THSD7B: variants seen among roughly 807,000 people sequenced by gnomAD.
The protein encoded by THSD7B is thrombospondin type-1 domain-containing protein 7B.
THSD7B carries 138 observed loss-of-function variants against 213.6 expected under a neutral mutation model. The ratio of observed to expected loss-of-function variants is 0.65; its 90% CI spans 0.56 to 0.74. The LOEUF (loss-of-function observed/expected upper bound fraction) is 0.74, where lower values mean the gene tolerates loss of function less well. THSD7B is among the 30% of genes least tolerant of loss of function. The probability of loss-of-function intolerance (pLI) is 0.00; values close to 1 mark genes in which losing one functional copy is unlikely to be tolerated. For synonymous variants in THSD7B, 742 were observed against 687.0 expected, an observed-to-expected ratio of 1.08 and a Z score of -1.25; for missense variants, 1,931 against 1,991.5, an observed-to-expected ratio of 0.97 and a Z score of 0.58.
At chr2:136,888,180 A>G (rs1171971755) in intron 2 of THSD7B, among the ~76,000 whole-genome samples, 3 of 152,162 alleles carry the variant, frequency 2.0e-5, no homozygotes, top group Non-Finnish European at 4.4e-5. Context: ...TTAGGTCTAA[A>G]ACTTTATATA....
intron 2 of THSD7B, among the ~76,000 whole-genome samples, chr2:137,016,986 C>A (rs192649311): frequency 6.6e-6 from 1 of 152,202 alleles, no homozygotes; most frequent in East Asian, 1.9e-4. Context: ...CTTTATGTTA[C>A]ATAGCACTCC....
intron 4 of THSD7B, among the ~76,000 whole-genome samples, chr2:137,103,973 C>A (rs189726786): frequency 1.3e-4 from 20 of 152,036 alleles, no homozygotes; most frequent in African/African-American, 4.6e-4. Flanking sequence ...ATTAGATCAA[C>A]GAGACAGAAA....
rs568266551 is a variant in THSD7B at position 137,201,996 on chromosome 2, C to G, written c.1724-29048C>G. ...TTTTCCTTGTTAATCTCTCAGGGTA[C>G]TTGATTCTCTATAGATTCTGGATCT... On this transcript the variant is annotated intron_variant, in intron 7 of 27. Transcript: ENST00000409968. Among the ~76,000 whole-genome samples the G allele has an allele frequency of 2.6e-5, 4 of 152,236 alleles. No individual in the cohort carries two copies. The East Asian group carries it at 7.7e-4, about 29-fold the overall frequency.
At chr2:136,904,265 G>T (rs924101373) in intron 2 of THSD7B, among the ~76,000 whole-genome samples, 1 of 152,130 alleles carries the variant, frequency 6.6e-6, no homozygotes, top group Non-Finnish European at 1.5e-5. Context: ...CCTGGGATAA[G>T]CCTGGGCAGT....
chr2:137,081,813 T>C (rs1470603628), intron 3 of THSD7B, among the ~76,000 whole-genome samples: 1 of 152,186 alleles, frequency 6.6e-6, no homozygotes, highest in African/African-American at 2.4e-5. Flanking sequence ...GAATAAGGTT[T>C]CTATTTCCAA....
At chr2:137,431,685 G>A (rs1196022932) in intron 14 of THSD7B, among the ~76,000 whole-genome samples, 2 of 152,106 alleles carry the variant, frequency 1.3e-5, no homozygotes, top group Non-Finnish European at 2.9e-5. Flanking sequence ...TGTAGATTAT[G>A]ACACCCCGGA....
At chr2:137,237,712 A>C (rs570727355) in intron 9 of THSD7B, among the ~76,000 whole-genome samples, 5 of 152,218 alleles carry the variant, frequency 3.3e-5, no homozygotes, top group Non-Finnish European at 5.9e-5. Flanking sequence ...CTAATAGCCA[A>C]AGACTGTATT....
At chr2:137,114,590 C>A (rs1231807399) in intron 4 of THSD7B, among the ~76,000 whole-genome samples, 1 of 152,142 alleles carries the variant, frequency 6.6e-6, no homozygotes, top group Non-Finnish European at 1.5e-5. Context: ...AATACATATA[C>A]TTTTATGTGA....
chr2:137,490,843 T>C (rs1027902360), intron 15 of THSD7B, among the ~76,000 whole-genome samples: 23 of 152,378 alleles, frequency 1.5e-4, no homozygotes, highest in African/African-American at 5.0e-4. Flanking sequence ...TATGCATTAA[T>C]GAATATATTT....
chr2:136,782,343 ACCT>A (rs1418094595), intron 1 of THSD7B, among the ~76,000 whole-genome samples: 1 of 147,822 alleles, frequency 6.8e-6, no homozygotes, highest in Non-Finnish European at 1.5e-5. Flanking sequence ...TGCTAATTCC[ACCT>A]CCTTCATTGG....
chr2:137,467,532 C>A (rs1460561145), intron 15 of THSD7B, among the ~76,000 whole-genome samples: 2 of 152,048 alleles, frequency 1.3e-5, no homozygotes, highest in Admixed American at 1.3e-4. Flanking sequence ...AAGGTTTTTT[C>A]GTAGGCTGAT....
intron 12 of THSD7B, among the ~76,000 whole-genome samples, chr2:137,346,478 T>TTCTCTC (rs139028202): frequency 6.8e-6 from 1 of 147,554 alleles, no homozygotes; most frequent in African/African-American, 2.5e-5. Flanking sequence ...TAATATTCCA[T>TTCTCTC]TCTCTCTCTC....
At chr2:137,497,579 A>C (rs759370389) in intron 15 of THSD7B, among the ~76,000 whole-genome samples, 7 of 151,864 alleles carry the variant, frequency 4.6e-5, no homozygotes, top group Non-Finnish European at 8.8e-5. Context: ...ATAATTATAC[A>C]TACATATCTG....
chr2:137,293,968 C>T (rs920313885), intron 12 of THSD7B, among the ~76,000 whole-genome samples: 6 of 152,020 alleles, frequency 3.9e-5, no homozygotes, highest in African/African-American at 1.4e-4. Context: ...TATTTTGTAG[C>T]TCACTTGGCC....
intron 10 of THSD7B, among the ~76,000 whole-genome samples, chr2:137,255,484 G>T (rs1682285641): frequency 6.6e-6 from 1 of 152,238 alleles, no homozygotes; most frequent in Non-Finnish European, 1.5e-5. Context: ...TATGGAAGTG[G>T]ATCTCCCTTC....
chr2:137,457,131 G>A (rs760186523), intron 15 of THSD7B, among the ~76,000 whole-genome samples: 7 of 152,090 alleles, frequency 4.6e-5, no homozygotes, highest in Non-Finnish European at 7.4e-5. Flanking sequence ...ACACCCTATT[G>A]TAGATCATTG....
chr2:137,079,005 C>T lies in THSD7B; in HGVS notation c.951-15868C>T, dbSNP rs971004357. ...TTTTTTGAGAATCTACTGATGTTTTCTTTGTGTTAGAATCTATAATTTATA... is the reference window on the plus strand; with the variant it reads ...TTTTTTGAGAATCTACTGATGTTTTTTTTGTGTTAGAATCTATAATTTATA... On this transcript the variant is annotated intron_variant, in intron 3 of 27. Coordinates refer to ENST00000409968, the MANE Select transcript of THSD7B (RefSeq NM_001316349.2). Among the ~76,000 whole-genome samples, 3 of 151,912 alleles carry T rather than the reference C, an allele frequency of 2.0e-5. No individual in the cohort carries two copies. In the South Asian group the frequency reaches 6.2e-4, roughly 32 times the overall value.
rs112587813 is a variant in THSD7B, at chr2:136,973,720, C to T, written c.140-82700C>T. Reference sequence around the variant, plus strand: ...TTGCTATTTTGCTAGTACATTCTTGCATTTGGTGTTTTGCATAATTAAGTT... The same window carrying T: ...TTGCTATTTTGCTAGTACATTCTTGTATTTGGTGTTTTGCATAATTAAGTT... On this transcript the variant is annotated intron_variant, in intron 2 of 27. Coordinates refer to ENST00000409968, the MANE Select transcript of THSD7B (RefSeq NM_001316349.2). Among the ~76,000 whole-genome samples, 1,293 of 152,222 alleles carry T rather than the reference C, an allele frequency of 8.5e-3. 27 individuals are homozygous for T. The highest frequency in any genetic ancestry group is 0.03 in the African/African-American group (1,252 of 41,542).
At chr2:136,985,289 C>T (rs566676239) in intron 2 of THSD7B, among the ~76,000 whole-genome samples, 11 of 152,240 alleles carry the variant, frequency 7.2e-5, no homozygotes, top group African/African-American at 1.4e-4. Flanking sequence ...TCAAGTCAGC[C>T]GCTCTCATCA....
Sources: allele counts gnomAD v4.1 joint callset (sites outside exome capture counted in the v4.1 genomes callset), GRCh38; gene constraint gnomAD v4.1.1; transcripts MANE v1.5; gene names NCBI Gene and HGNC (gene_info 2026-07-23, HGNC 2026-07-21).